The following UNC13C variants were observed in gnomAD, a reference collection of about 807,000 sequenced individuals.
UNC13C encodes protein unc-13 homolog C.
In UNC13C, 174 loss-of-function variants were observed where a neutral mutation model predicts 245.4. The observed-to-expected ratio is 0.71, with a 90% CI of 0.63 to 0.80. UNC13C has a LOEUF of 0.80. UNC13C is among the 30% of genes least tolerant of loss of function. The pLI, the probability that UNC13C is intolerant of heterozygous loss-of-function variation, is 0.00. For synonymous variants in UNC13C, 992 were observed against 895.1 expected (o/e 1.11, Z -1.93); for missense variants, 2,829 against 2,602.9 (o/e 1.09, Z -1.89).
intron 4 of UNC13C, among the ~76,000 whole-genome samples, chr15:54,185,119 G>GT (rs1470031295): frequency 1.3e-5 from 2 of 151,864 alleles, no homozygotes; most frequent in Non-Finnish European, 1.5e-5. Flanking sequence ...GGGGTTGTTT[G>GT]TTTTTTTTCT....
At chr15:54,128,025 C>T (rs915027221) in intron 2 of UNC13C, among the ~76,000 whole-genome samples, 1 of 151,928 alleles carries the variant, frequency 6.6e-6, no homozygotes, top group Non-Finnish European at 1.5e-5. Context: ...ATCCTAAAGA[C>T]TCTTCCAAAA....
intron 23 of UNC13C, among the ~76,000 whole-genome samples, chr15:54,509,186 G>C (rs756288293): frequency 5.9e-5 from 9 of 152,208 alleles, no homozygotes; most frequent in Non-Finnish European, 1.2e-4. Context: ...CCAAAAAAGA[G>C]TGAAACTCTG....
rs534999754 is a variant in UNC13C, at chr15:54,428,969, G to A, written c.4933+13902G>A. On this transcript the variant is annotated intron_variant, in intron 19 of 32. Coordinates refer to ENST00000260323, the MANE Select transcript of UNC13C (RefSeq NM_001080534.3). Reference sequence around the variant, plus strand: ...TCCCCCCAGCCCCCAATCGGGTCCCGTATTTCCCATATATTGTATAATTCC... The same window carrying A: ...TCCCCCCAGCCCCCAATCGGGTCCCATATTTCCCATATATTGTATAATTCC... Among the ~76,000 whole-genome samples, 231 of 151,632 alleles carry A rather than the reference G, an allele frequency of 1.5e-3. 2 individuals are homozygous for A. Among genetic ancestry groups the A allele is most frequent in the African/African-American group, 5.2e-3 (217 of 41,418 alleles).
chr15:54,106,250 A>G (rs1900439627), intron 2 of UNC13C, among the ~76,000 whole-genome samples: 1 of 152,376 alleles, frequency 6.6e-6, no homozygotes, highest in East Asian at 1.9e-4. Context: ...GAAATAATAT[A>G]TGTAGAACCA....
intron 19 of UNC13C, among the ~76,000 whole-genome samples, chr15:54,454,081 T>C (rs916736743): frequency 1.1e-4 from 16 of 152,194 alleles, no homozygotes; most frequent in Admixed American, 9.2e-4. Flanking sequence ...ACCCATATTG[T>C]AACATGTATT....
At chr15:54,345,009 G>A (rs184854657) in intron 17 of UNC13C, among the ~76,000 whole-genome samples, 1 of 152,234 alleles carries the variant, frequency 6.6e-6, no homozygotes, top group Admixed American at 6.5e-5. Flanking sequence ...AATGTTTTAA[G>A]GCCCTTCATT....
chr15:54,307,934 G>A (rs2140957864), intron 13 of UNC13C, among the ~76,000 whole-genome samples: 1 of 151,976 alleles, frequency 6.6e-6, no homozygotes, highest in Non-Finnish European at 1.5e-5. Flanking sequence ...AGCTGAATTT[G>A]GGGGAGCAAG....
At chr15:53,973,411 C>T (rs146191442), upstream of UNC13C, among the ~76,000 whole-genome samples, 56 of 152,030 alleles carry the variant, frequency 3.7e-4, no homozygotes, top group African/African-American at 1.3e-3. Context: ...ATAGAAATTA[C>T]ATTTATACCT....
chr15:54,581,570 TC>T (rs1391359389), intron 30 of UNC13C, among the ~76,000 whole-genome samples: 1 of 152,186 alleles, frequency 6.6e-6, no homozygotes, highest in African/African-American at 2.4e-5. Flanking sequence ...AGGACACTAA[TC>T]CCATCAGGCC....
intron 1 of UNC13C, among the ~76,000 whole-genome samples, chr15:53,984,633 G>C (rs1273695822): frequency 1.3e-5 from 2 of 152,078 alleles, no homozygotes; most frequent in African/African-American, 2.4e-5. Context: ...AGCACTGGCT[G>C]TAAATTTGTC....
At chr15:54,479,488 A>G (rs4506836) in intron 19 of UNC13C, among the ~76,000 whole-genome samples, 62,661 of 151,828 alleles carry the variant, frequency 0.41, 13,203 homozygotes, top group East Asian at 0.62. Flanking sequence ...AATTTCTTTT[A>G]GGCAGCATAC....
In UNC13C at chr15:54,149,934, G is replaced by A. The variant is rs1466736235; in HGVS notation, c.3071+6250G>A. 5.9e-5 allele frequency among the ~76,000 whole-genome samples: 9 copies of A among 152,300 alleles called. No individual in the cohort carries two copies. The South Asian group carries it at 1.7e-3, about 28-fold the overall frequency. On this transcript the variant is annotated intron_variant, in intron 4 of 32. Transcript: ENST00000260323. The stretch of plus-strand genomic sequence containing the variant: ...TAAAGTATATGGGATGACGTGCACA[G>A]GAAATACACAAATACTGTGCCATTT...
chr15:53,874,364 A>G, the UNC13C span, among the ~76,000 whole-genome samples: 2 of 152,158 alleles, frequency 1.3e-5, no homozygotes, highest in Non-Finnish European at 2.9e-5. Context: ...TTGAGTCTTA[A>G]ATAAGTTATG....
chr15:54,145,886 T>A (rs1386220042), intron 4 of UNC13C, among the ~76,000 whole-genome samples: 1 of 152,216 alleles, frequency 6.6e-6, no homozygotes, highest in Non-Finnish European at 1.5e-5. Context: ...GCACATGCAG[T>A]ATAAATGTCT....
At chr15:54,374,799 G>A (rs2039569916) in intron 17 of UNC13C, among the ~76,000 whole-genome samples, 1 of 152,196 alleles carries the variant, frequency 6.6e-6, no homozygotes, top group African/African-American at 2.4e-5. Flanking sequence ...CTCGCCGGCT[G>A]GCTGCAGCTG....
At chr15:54,515,796 A>C (rs535859684) in intron 24 of UNC13C, among the ~76,000 whole-genome samples, 2 of 152,180 alleles carry the variant, frequency 1.3e-5, no homozygotes, top group African/African-American at 4.8e-5. Context: ...AATTATTTTC[A>C]TCTGTTGACC....
At chr15:54,273,297 A>C (rs954915328) in intron 10 of UNC13C, among the ~76,000 whole-genome samples, 5 of 152,012 alleles carry the variant, frequency 3.3e-5, no homozygotes, top group African/African-American at 1.2e-4. Flanking sequence ...ATTCACCTAT[A>C]TCTGTTTTTC....
the UNC13C span, among the ~76,000 whole-genome samples, chr15:53,968,612 TC>T: frequency 6.6e-6 from 1 of 152,098 alleles, no homozygotes; most frequent in African/African-American, 2.4e-5. Flanking sequence ...TGAGGAAAGA[TC>T]CTAAATCCCA....
chr15:54,084,075 G>A (rs1595828668), intron 2 of UNC13C, among the ~76,000 whole-genome samples: 1 of 152,208 alleles, frequency 6.6e-6, no homozygotes, highest in African/African-American at 2.4e-5. Context: ...GGAGCAGAGA[G>A]GACTCCCACT....
Sources: gnomAD v4.1 joint callset for allele counts (sites outside exome capture counted in the v4.1 genomes callset) on GRCh38, gnomAD v4.1.1 for gene constraint, MANE v1.5 for transcripts, NCBI Gene and HGNC (gene_info 2026-07-23, HGNC 2026-07-21) for gene names.